The following CTNND2 variants were observed in gnomAD, a reference collection of about 807,000 sequenced individuals.
CTNND2 encodes the protein catenin delta-2.
Under a neutral mutation model 144.4 loss-of-function variants are expected in CTNND2, and 22 were observed. The ratio of observed to expected loss-of-function variants is 0.15; its 90% CI spans 0.11 to 0.22. The LOEUF is 0.22. Ranked by LOEUF, CTNND2 falls within the 10% of genes least tolerant of loss-of-function variation. The pLI is 1.00. For synonymous variants in CTNND2, 751 were observed against 695.6 expected (o/e 1.08, Z -1.25); for missense variants, 1,353 against 1,618.8 (o/e 0.84, Z 2.82).
At chr5:11,339,434 G>C (rs1754030642) in intron 9 of CTNND2, among the ~76,000 whole-genome samples, 2 of 152,198 alleles carry the variant, frequency 1.3e-5, no homozygotes, top group South Asian at 4.1e-4. Flanking sequence ...GTGAGGAACA[G>C]ATGGTATTGC....
intron 2 of CTNND2, among the ~76,000 whole-genome samples, chr5:11,616,064 A>G (rs921741181): frequency 9.9e-5 from 15 of 152,144 alleles, no homozygotes; most frequent in Non-Finnish European, 1.9e-4. Flanking sequence ...GGTTTATGAC[A>G]TTACATTTTT....
chr5:10,981,554 G>A (rs970875555), intron 21 of CTNND2, among the ~76,000 whole-genome samples: 4 of 151,920 alleles, frequency 2.6e-5, no homozygotes, highest in South Asian at 2.1e-4. Flanking sequence ...TTCAAAGGCC[G>A]TTTGCACATT....
At chr5:11,625,851 A>C (rs1781125331) in intron 2 of CTNND2, among the ~76,000 whole-genome samples, 1 of 152,194 alleles carries the variant, frequency 6.6e-6, no homozygotes, top group Non-Finnish European at 1.5e-5. Flanking sequence ...TAAGTATCTT[A>C]AAATTGGTCA....
At chr5:11,858,814 A>G (rs1795368666) in intron 1 of CTNND2, among the ~76,000 whole-genome samples, 2 of 152,182 alleles carry the variant, frequency 1.3e-5, no homozygotes, top group Admixed American at 1.3e-4. Flanking sequence ...CTGTAGCCCC[A>G]GCTATTCGGG....
At chr5:11,836,350 G>A (rs1343266299) in intron 1 of CTNND2, among the ~76,000 whole-genome samples, 1 of 152,146 alleles carries the variant, frequency 6.6e-6, no homozygotes, top group Middle Eastern at 3.2e-3. Flanking sequence ...GAAAACTTGA[G>A]AATTAGAGAA....
chr5:11,447,013 A>C (rs1162692843), intron 3 of CTNND2, among the ~76,000 whole-genome samples: 1 of 152,044 alleles, frequency 6.6e-6, no homozygotes, highest in Non-Finnish European at 1.5e-5. Flanking sequence ...ACACACACAC[A>C]CATACATATC....
At chr5:11,316,498 A>ATTC (rs1208123426) in intron 9 of CTNND2, among the ~76,000 whole-genome samples, 3 of 145,024 alleles carry the variant, frequency 2.1e-5, no homozygotes, top group African/African-American at 7.9e-5. Flanking sequence ...TATTATTATT[A>ATTC]TTATTATTAT....
intron 18 of CTNND2, among the ~76,000 whole-genome samples, chr5:11,010,092 C>T (rs1043654600): frequency 6.6e-6 from 1 of 152,208 alleles, no homozygotes; most frequent in African/African-American, 2.4e-5. Context: ...CAATTGCAAA[C>T]CTTGTGGACA....
chr5:11,792,716 T>G (rs867231221), intron 1 of CTNND2, among the ~76,000 whole-genome samples: 1 of 152,228 alleles, frequency 6.6e-6, no homozygotes, highest in Non-Finnish European at 1.5e-5. Flanking sequence ...CTTTTAATTA[T>G]CAAATTCCAT....
intron 9 of CTNND2, among the ~76,000 whole-genome samples, chr5:11,287,898 T>C (rs1350925680): frequency 6.6e-6 from 1 of 152,246 alleles, no homozygotes; most frequent in Non-Finnish European, 1.5e-5. Context: ...AGTCAGTTGA[T>C]ACAATAAATG....
chr5:11,002,997 T>G (rs1197523898), intron 18 of CTNND2, among the ~76,000 whole-genome samples: 1 of 152,226 alleles, frequency 6.6e-6, no homozygotes, highest in Non-Finnish European at 1.5e-5. Context: ...TGTTGGCCTA[T>G]GTATGGCCTT....
Position 11,885,402 on chromosome 5 carries a change from T to G in CTNND2, c.37+18415A>C, listed in dbSNP as rs116129074. Among the ~76,000 whole-genome samples, 781 of 152,258 alleles carry G rather than the reference T, an allele frequency of 5.1e-3. 3 individuals are homozygous for G. The highest frequency in any genetic ancestry group is 0.018 in the African/African-American group (744 of 41,544). On this transcript the variant is annotated intron_variant, in intron 1 of 21. Coordinates refer to ENST00000304623, the MANE Select transcript of CTNND2 (RefSeq NM_001332.4). ...ACAAAAGAGCAGAAGTAGCTACATT[T>G]ATATCAAAGAGAATACACTTTGAGT...
chr5:11,499,080 G>T (rs1027371941), intron 3 of CTNND2, among the ~76,000 whole-genome samples: 1 of 152,114 alleles, frequency 6.6e-6, no homozygotes, highest in East Asian at 1.9e-4. Context: ...TAGGTTTATA[G>T]AATTTTCCAG....
At chr5:11,581,194 G>C (rs1778401300) in intron 2 of CTNND2, among the ~76,000 whole-genome samples, 1 of 151,970 alleles carries the variant, frequency 6.6e-6, no homozygotes, top group Admixed American at 6.6e-5. Flanking sequence ...CTACGCTACA[G>C]ACTCTTCAGA....
chr5:11,880,382 A>G (rs1327972191), intron 1 of CTNND2, among the ~76,000 whole-genome samples: 1 of 151,926 alleles, frequency 6.6e-6, no homozygotes, highest in Non-Finnish European at 1.5e-5. Flanking sequence ...TGCATTTAAG[A>G]TGGTAATTTT....
At chr5:11,322,552 G>C (rs1001027823) in intron 9 of CTNND2, among the ~76,000 whole-genome samples, 7 of 151,978 alleles carry the variant, frequency 4.6e-5, no homozygotes, top group Admixed American at 4.6e-4. Flanking sequence ...AGCTACACTG[G>C]GTTGATTCAT....
At chr5:11,278,452 G>A (rs1339426520) in intron 9 of CTNND2, among the ~76,000 whole-genome samples, 2 of 152,170 alleles carry the variant, frequency 1.3e-5, no homozygotes, top group African/African-American at 2.4e-5. Flanking sequence ...GAAAACAGGA[G>A]GGAAGACATC....
chr5:11,515,262 A>G (rs1176970112), intron 3 of CTNND2, among the ~76,000 whole-genome samples: 1 of 152,112 alleles, frequency 6.6e-6, no homozygotes, highest in Non-Finnish European at 1.5e-5. Flanking sequence ...TTCCCTCTAT[A>G]ATAAAAGTGA....
intron 2 of CTNND2, among the ~76,000 whole-genome samples, chr5:11,641,003 C>A (rs1781972623): frequency 6.6e-6 from 1 of 151,936 alleles, no homozygotes; most frequent in African/African-American, 2.4e-5. Flanking sequence ...TTAATAAAAC[C>A]CAAAATAAAA....
Sources: allele counts gnomAD v4.1 joint callset (sites outside exome capture counted in the v4.1 genomes callset), GRCh38; gene constraint gnomAD v4.1.1; transcripts MANE v1.5; gene names NCBI Gene and HGNC (gene_info 2026-07-23, HGNC 2026-07-21).